The following UST variants were observed in gnomAD, a reference collection of about 807,000 sequenced individuals.
UST encodes the protein chondroitin sulfate 2-O-sulfotransferase.
In UST, 21 loss-of-function variants were observed where a neutral mutation model predicts 45.6. That is an observed-to-expected ratio of 0.46 (90% CI 0.33 to 0.66). UST has a LOEUF of 0.66. Among genes scored for constraint, UST ranks in the 30% least tolerant of loss-of-function variants. UST has a pLI of 0.02. For synonymous variants in UST, 215 were observed against 200.6 expected, an observed-to-expected ratio of 1.07 and a Z score of -0.61; for missense variants, 463 against 512.4, an observed-to-expected ratio of 0.90 and a Z score of 0.93.
chr6:149,049,152 C>A (rs994449664), intron 7 of UST, among the ~76,000 whole-genome samples: 4 of 151,940 alleles, frequency 2.6e-5, no homozygotes, highest in African/African-American at 9.7e-5. Context: ...TGTTTACAAT[C>A]TTTGACCCAT....
intron 7 of UST, among the ~76,000 whole-genome samples, chr6:149,022,580 A>G (rs1775995248): frequency 6.6e-6 from 1 of 152,186 alleles, no homozygotes; most frequent in South Asian, 2.1e-4. Context: ...AGCCTAGGCG[A>G]CAAGAGCGAA....
chr6:149,009,407 G>C (rs1775767814), intron 5 of UST, among the ~76,000 whole-genome samples: 1 of 151,762 alleles, frequency 6.6e-6, no homozygotes, highest in South Asian at 2.1e-4. Context: ...CACACACACA[G>C]AAACCAATAT....
At chr6:148,847,547 G>C (rs756156394) in intron 1 of UST, among the ~76,000 whole-genome samples, 6 of 152,270 alleles carry the variant, frequency 3.9e-5, no homozygotes, top group Admixed American at 1.3e-4. Context: ...ATTTCCCCTC[G>C]TGTGGTTGTT....
intron 2 of UST, among the ~76,000 whole-genome samples, chr6:148,937,054 G>A (rs1050467162): frequency 6.6e-6 from 1 of 150,930 alleles, no homozygotes; most frequent in African/African-American, 2.4e-5. Context: ...TGTTAACACT[G>A]TATCCAACAT....
At chr6:148,749,264 C>G (rs1775943561) in intron 1 of UST, among the ~76,000 whole-genome samples, 1 of 152,182 alleles carries the variant, frequency 6.6e-6, no homozygotes, top group African/African-American at 2.4e-5. Context: ...CTCTCTGACA[C>G]CTGCTAGTGC....
intron 5 of UST, among the ~76,000 whole-genome samples, chr6:148,968,225 G>C (rs1406921929): frequency 6.6e-6 from 1 of 152,212 alleles, no homozygotes; most frequent in East Asian, 1.9e-4. Flanking sequence ...AGACATCGCT[G>C]TTACAGCAAT....
intron 1 of UST, among the ~76,000 whole-genome samples, chr6:148,853,214 C>T (rs1471553951): frequency 6.6e-6 from 1 of 152,164 alleles, no homozygotes; most frequent in Non-Finnish European, 1.5e-5. Context: ...GTTTGGTTTT[C>T]TGTGCCTGTG....
At chr6:148,843,390 C>T (rs896959955) in intron 1 of UST, among the ~76,000 whole-genome samples, 9 of 152,164 alleles carry the variant, frequency 5.9e-5, no homozygotes, top group Non-Finnish European at 1.2e-4. Context: ...ATTTTTTAAA[C>T]GGCAGTGATC....
chr6:148,958,191 T>TC (rs137970498), intron 4 of UST, among the ~76,000 whole-genome samples: 6,310 of 152,302 alleles, frequency 0.041, 438 homozygotes, highest in African/African-American at 0.14. Flanking sequence ...TCGTTTTTTT[T>TC]CACCTTCTAG....
rs1419092931 is a variant in UST, at chr6:148,790,781, C to A, written c.247+43104C>A. On this transcript the variant is annotated intron_variant, in intron 1 of 7. Transcript: ENST00000367463. This position sits in a 1 kb window ranked among gnomAD's most constrained non-coding sequence, Gnocchi z 4.2. ...GGGATACAAAGGTCTGATCCCCTTGCGTCAATCTGGGACAACTCTGATGGG... is the reference window on the plus strand; with the variant it reads ...GGGATACAAAGGTCTGATCCCCTTGAGTCAATCTGGGACAACTCTGATGGG... Among the ~76,000 whole-genome samples, 1 of 152,198 alleles carries A rather than the reference C, an allele frequency of 6.6e-6. No individual in the cohort carries two copies. The highest frequency in any genetic ancestry group is 2.4e-5 in the African/African-American group (1 of 41,454).
At chr6:149,029,486 A>T (rs1468752049) in intron 7 of UST, among the ~76,000 whole-genome samples, 2 of 145,666 alleles carry the variant, frequency 1.4e-5, no homozygotes, top group Admixed American at 6.9e-5. Context: ...ATGTATATAT[A>T]ATATATAATG....
chr6:148,758,291 T>A (rs1776135024), intron 1 of UST, among the ~76,000 whole-genome samples: 1 of 152,220 alleles, frequency 6.6e-6, no homozygotes, highest in African/African-American at 2.4e-5. Flanking sequence ...TACATATATG[T>A]ACCCCTTCCT....
At chr6:149,065,818 G>C (rs193072134) in intron 7 of UST, among the ~76,000 whole-genome samples, 8 of 152,178 alleles carry the variant, frequency 5.3e-5, no homozygotes, top group African/African-American at 1.9e-4. Flanking sequence ...GTTTCTGACC[G>C]CGACATAACC....
chr6:148,816,142 G>GT (rs1178424953), intron 1 of UST, among the ~76,000 whole-genome samples: 1 of 152,198 alleles, frequency 6.6e-6, no homozygotes, highest in African/African-American at 2.4e-5. Context: ...ACACTGTGTT[G>GT]TTTTCACTGG....
intron 1 of UST, among the ~76,000 whole-genome samples, chr6:148,769,431 G>A (rs1776378029): frequency 6.6e-6 from 1 of 152,218 alleles, no homozygotes; most frequent in African/African-American, 2.4e-5. Flanking sequence ...GCAGTGTAGT[G>A]TTAACAAAAC....
chr6:148,955,821 T>C (rs966058621), intron 4 of UST: 2 of 152,206 alleles, frequency 1.3e-5, no homozygotes, highest in African/African-American at 4.8e-5. Context: ...ACCAAACAGA[T>C]TGCAATGCAA....
intron 1 of UST, among the ~76,000 whole-genome samples, chr6:148,877,946 G>T (rs2114828927): frequency 9.3e-6 from 1 of 107,828 alleles, no homozygotes; most frequent in Non-Finnish European, 1.9e-5. Flanking sequence ...GGTCGTGTAT[G>T]AGTGCGGGGG....
chr6:149,017,551 G>GA (rs1775921586), intron 5 of UST, among the ~76,000 whole-genome samples: 1 of 151,992 alleles, frequency 6.6e-6, no homozygotes, highest in African/African-American at 2.4e-5. Flanking sequence ...ATGTAAACAT[G>GA]TTGATTTTTA....
intron 2 of UST, among the ~76,000 whole-genome samples, chr6:148,937,850 G>A (rs1045461023): frequency 6.6e-6 from 1 of 152,194 alleles, no homozygotes; most frequent in South Asian, 2.1e-4. Flanking sequence ...TATGTTGGCA[G>A]CTCTGTCGTA....
Sources: gnomAD v4.1 joint callset for allele counts (sites outside exome capture counted in the v4.1 genomes callset) on GRCh38, gnomAD v4.1.1 for gene constraint, Gnocchi (gnomAD v3.1) non-coding constraint, MANE v1.5 for transcripts, NCBI Gene and HGNC (gene_info 2026-07-23, HGNC 2026-07-21) for gene names.